The following ARID2 variants were observed in gnomAD, a reference collection of about 807,000 sequenced individuals.
The protein encoded by ARID2 is AT-rich interaction domain 2.
Under a neutral mutation model 184.6 loss-of-function variants are expected in ARID2, and 32 were observed. That is an observed-to-expected ratio of 0.17 (90% CI 0.13 to 0.23). ARID2 has a LOEUF of 0.23. ARID2 is among the 10% of genes least tolerant of loss of function. The pLI is 1.00. For missense variants in ARID2, 1,696 were observed against 2,197.6 expected, an observed-to-expected ratio of 0.77 and a Z score of 4.56; for synonymous variants, 836 against 772.6, an observed-to-expected ratio of 1.08 and a Z score of -1.36.
intron 3 of ARID2, among the ~76,000 whole-genome samples, chr12:45,778,781 A>C (rs985440715): frequency 1.3e-5 from 2 of 152,012 alleles, no homozygotes; most frequent in Non-Finnish European, 2.9e-5. Context: ...TTTGGAAAAT[A>C]ATGGGCTGTT....
intron 16 of ARID2, among the ~76,000 whole-genome samples, chr12:45,874,888 C>T (rs1943985459): frequency 6.6e-6 from 1 of 152,152 alleles, no homozygotes; most frequent in African/African-American, 2.4e-5. Flanking sequence ...CTTTGGAAGG[C>T]CAAAGCAGGA....
In ARID2 at chr12:45,899,266, G is replaced by T. The variant is rs1168199880; in HGVS notation, c.5363+5545G>T. Among the ~76,000 whole-genome samples the T allele has an allele frequency of 7.5e-5, 6 of 80,278 alleles. No homozygotes were observed. In the South Asian group the frequency reaches 2.9e-3, roughly 38 times the overall value. 52.7% of individuals were successfully genotyped at this position (80,278 alleles called of 152,430 possible). A position where few individuals can be genotyped will look rare whatever the true frequency, so the allele number is the denominator to read the frequency against. On this transcript the variant is annotated intron_variant, in intron 20 of 20. Coordinates refer to ENST00000334344, the MANE Select transcript of ARID2 (RefSeq NM_152641.4). The stretch of plus-strand genomic sequence containing the variant: ...CAGCCTGGCGAAAGAGCAAGACTCT[G>T]TCTCAAAAAAAAAAAAAAAAAAAAA...
intron 11 of ARID2, among the ~76,000 whole-genome samples, chr12:45,843,633 A>G (rs1943391842): frequency 6.6e-6 from 1 of 152,164 alleles, no homozygotes. Flanking sequence ...CAGATGCTGC[A>G]GTCCAGGGAC....
intron 3 of ARID2, among the ~76,000 whole-genome samples, chr12:45,739,437 A>ATTT (rs1941203601): frequency 9.0e-5 from 5 of 55,736 alleles, no homozygotes; most frequent in African/African-American, 1.5e-4. Flanking sequence ...ATATAAAGTT[A>ATTT]CTTTTTTTTT....
At chr12:45,746,618 C>T (rs941596878) in intron 3 of ARID2, among the ~76,000 whole-genome samples, 1 of 152,052 alleles carries the variant, frequency 6.6e-6, no homozygotes, top group Non-Finnish European at 1.5e-5. Flanking sequence ...ATTTAATTTG[C>T]CATGTGCCGG....
intron 3 of ARID2, among the ~76,000 whole-genome samples, chr12:45,754,954 G>C (rs1391115919): frequency 6.6e-6 from 1 of 152,210 alleles, no homozygotes; most frequent in African/African-American, 2.4e-5. Context: ...CCTCAAGCTT[G>C]ACATTGAAAG....
intron 6 of ARID2, among the ~76,000 whole-genome samples, chr12:45,825,884 T>C (rs958243543): frequency 1.4e-4 from 22 of 151,814 alleles, no homozygotes; most frequent in African/African-American, 5.1e-4. Flanking sequence ...AAAAAAAGAC[T>C]TTCTGGAAAC....
intron 18 of ARID2, among the ~76,000 whole-genome samples, chr12:45,893,109 G>A (rs1209967410): frequency 6.6e-6 from 1 of 152,126 alleles, no homozygotes; most frequent in African/African-American, 2.4e-5. Context: ...CTATAACTTC[G>A]ATGCTACGTT....
At chr12:45,751,450 A>G (rs1425897249) in intron 3 of ARID2, among the ~76,000 whole-genome samples, 2 of 152,320 alleles carry the variant, frequency 1.3e-5, no homozygotes, top group African/African-American at 4.8e-5. Flanking sequence ...TACTGAAGCC[A>G]TTGGAGGATT....
chr12:45,768,655 G>A (rs2138020546), intron 3 of ARID2, among the ~76,000 whole-genome samples: 1 of 152,264 alleles, frequency 6.6e-6, no homozygotes, highest in South Asian at 2.1e-4. Flanking sequence ...TAGGTGCAGT[G>A]GAGATAAATA....
intron 3 of ARID2, among the ~76,000 whole-genome samples, chr12:45,768,525 G>C (rs1941812463): frequency 1.3e-5 from 2 of 152,204 alleles, no homozygotes; most frequent in African/African-American, 4.8e-5. Context: ...GAAGTATGCT[G>C]TAAGACAGAG....
chr12:45,876,906 A>G (rs1328709440), intron 16 of ARID2, among the ~76,000 whole-genome samples: 1 of 151,724 alleles, frequency 6.6e-6, no homozygotes, highest in Non-Finnish European at 1.5e-5. Flanking sequence ...TGGCTAACAC[A>G]GTGAAAACTC....
chr12:45,827,260 G>A (rs1436351910), intron 6 of ARID2, among the ~76,000 whole-genome samples: 1 of 151,444 alleles, frequency 6.6e-6, no homozygotes, highest in Non-Finnish European at 1.5e-5. Flanking sequence ...AAAATAGCTA[G>A]GCCTATTGCT....
intron 11 of ARID2, chr12:45,841,009 A>ATT: frequency 1.3e-5 from 2 of 152,316 alleles, no homozygotes; most frequent in South Asian, 4.1e-4. Flanking sequence ...TATATTGGGG[A>ATT]ATCTTTGGTC....
In ARID2 at chr12:45,762,011, A is replaced by T. The variant is rs965661938; in HGVS notation, c.284+30697A>T. ...AAATTCTTCATTGCAATAATTATAT[A>T]TATTTTTACAGCCAATATTTTCTTT... On this transcript the variant is annotated intron_variant, in intron 3 of 20. Coordinates refer to ENST00000334344, the MANE Select transcript of ARID2 (RefSeq NM_152641.4). Among the ~76,000 whole-genome samples, 6 of 152,184 alleles carry T rather than the reference A, an allele frequency of 3.9e-5. No homozygotes were observed. The East Asian group carries it at 5.8e-4, about 15-fold the overall frequency.
intron 13 of ARID2, 94 bp downstream of exon 13, chr12:45,849,064 A>C: frequency 7.2e-7 from 1 of 1,390,260 alleles, no homozygotes. Context: ...ATCTAGTTTT[A>C]AATATTTCTA....
chr12:45,738,428 C>T (rs1279410148), intron 3 of ARID2, among the ~76,000 whole-genome samples: 1 of 152,114 alleles, frequency 6.6e-6, no homozygotes, highest in Non-Finnish European at 1.5e-5. Flanking sequence ...GATTCTCCTG[C>T]CTCAGTCTCC....
chr12:45,853,020 C>T, intron 15 of ARID2, 124 bp downstream of exon 15: 1 of 1,332,196 alleles, frequency 7.5e-7, no homozygotes, highest in Non-Finnish European at 9.6e-7. Context: ...CACTTGTATC[C>T]AACCTGTCCT....
At chr12:45,854,904 A>G (rs1368960593) in intron 15 of ARID2, among the ~76,000 whole-genome samples, 1 of 152,246 alleles carries the variant, frequency 6.6e-6, no homozygotes, top group Non-Finnish European at 1.5e-5. Flanking sequence ...TGAGGACTCA[A>G]GATGGCTAGT....
Sources: allele counts gnomAD v4.1 joint callset (sites outside exome capture counted in the v4.1 genomes callset), GRCh38; gene constraint gnomAD v4.1.1; transcripts MANE v1.5; gene names NCBI Gene and HGNC (gene_info 2026-07-23, HGNC 2026-07-21).